LACC1: variants seen among roughly 807,000 people sequenced by gnomAD.
The protein encoded by LACC1 is laccase domain multifunctional purine nucleosidase 1.
In LACC1, 25 loss-of-function variants were observed where a neutral mutation model predicts 34.8. The ratio of observed to expected loss-of-function variants is 0.72; its 90% CI spans 0.52 to 1.00. LACC1 has a LOEUF of 1.00. Ranked by LOEUF, LACC1 falls within the 50% of genes least tolerant of loss-of-function variation. The pLI is 0.00. For synonymous variants in LACC1, 162 were observed against 168.0 expected (o/e 0.96, Z 0.28); for missense variants, 426 against 511.2 (o/e 0.83, Z 1.61).
chr13:43,882,564 G>GAGATATATAT (rs1555395025), intron 3 of LACC1, among the ~76,000 whole-genome samples: 3 of 139,142 alleles, frequency 2.2e-5, no homozygotes, highest in South Asian at 5.0e-4. Flanking sequence ...CACACGTGCA[G>GAGATATATAT]ATATATATAT....
chr13:43,889,029 T>C, intron 5 of LACC1, 47 bp downstream of exon 5: 1 of 1,461,146 alleles, frequency 6.8e-7, no homozygotes, highest in Non-Finnish European at 9.6e-7. Flanking sequence ...TTCTGATTGT[T>C]CTAAAATGAA....
At chr13:43,883,643 T>C (rs1434428800) in intron 3 of LACC1, 128 bp from the exon 4 acceptor site, 2 of 548,230 alleles carry the variant, frequency 3.6e-6, no homozygotes, top group Admixed American at 3.6e-5. Flanking sequence ...AAAAGTGATA[T>C]ATTTAATGAA....
intron 4 of LACC1, among the ~76,000 whole-genome samples, chr13:43,888,238 A>G (rs1212673423): frequency 6.6e-6 from 1 of 152,180 alleles, no homozygotes; most frequent in East Asian, 1.9e-4. Flanking sequence ...TGATATACCT[A>G]CAGTAATCAA....
chr13:43,889,994 A>G, intron 5 of LACC1, 120 bp from the exon 6 acceptor site: 1 of 770,950 alleles, frequency 1.3e-6, no homozygotes, highest in South Asian at 1.9e-5. Context: ...AACAATATAC[A>G]TTGTTCTAGG....
chr13:43,887,288 T>C (rs1179238156), intron 4 of LACC1, among the ~76,000 whole-genome samples: 1 of 152,142 alleles, frequency 6.6e-6, no homozygotes, highest in Non-Finnish European at 1.5e-5. Context: ...TTTCATCATC[T>C]CCTTTTATCT....
chr13:43,893,554 A>G lies in LACC1; in HGVS notation c.*2107A>G, dbSNP rs901844057. On this transcript the variant is annotated 3_prime_UTR_variant, in exon 7 of 7. Coordinates refer to ENST00000325686, the MANE Select transcript of LACC1 (RefSeq NM_153218.4). ...TATTTAATATCCAGTGAAAAGTGAC[A>G]GTCAGTAAACCAACAATCTCAATAC... 3 of 152,024 alleles carry G rather than the reference A, an allele frequency of 2.0e-5. No individual in the cohort carries two copies. The highest frequency in any genetic ancestry group is 4.8e-5 in the African/African-American group (2 of 41,442). 9.4% of individuals were successfully genotyped at this position (152,024 alleles called of 1,614,324 possible). A position where few individuals can be genotyped will look rare whatever the true frequency, so the allele number is the denominator to read the frequency against.
Position 43,891,469 on chromosome 13 carries a change from A to G in LACC1, c.*22A>G. 1 of 985,022 alleles carries G rather than the reference A, an allele frequency of 1.0e-6. No individual in the cohort carries two copies. The highest frequency in any genetic ancestry group is 1.2e-6 in the Non-Finnish European group (1 of 829,412). The allele number at this position is 985,022 out of a possible 1,614,324, so 61.0% of individuals were successfully genotyped here. Reference sequence around the variant, plus strand: ...TACAGATACTTGACTGGATTTTTGTATAACTGCTTCCTGCCTCCTTCCAAA... The same window carrying G: ...TACAGATACTTGACTGGATTTTTGTGTAACTGCTTCCTGCCTCCTTCCAAA... On this transcript the variant is annotated 3_prime_UTR_variant, in exon 7 of 7. Coordinates refer to ENST00000325686, the MANE Select transcript of LACC1 (RefSeq NM_153218.4).
chr13:43,893,543 T>C lies in LACC1; in HGVS notation c.*2096T>C, dbSNP rs1253067074. The C allele has an allele frequency of 1.3e-5, 2 of 151,988 alleles. No homozygotes were observed. The highest frequency in any genetic ancestry group is 2.4e-5 in the African/African-American group (1 of 41,422). 9.4% of individuals were successfully genotyped at this position (151,988 alleles called of 1,614,324 possible). Reference sequence around the variant, plus strand: ...AGCCCTCAGGATATTTAATATCCAGTGAAAAGTGACAGTCAGTAAACCAAC... The same window carrying C: ...AGCCCTCAGGATATTTAATATCCAGCGAAAAGTGACAGTCAGTAAACCAAC... On this transcript the variant is annotated 3_prime_UTR_variant, in exon 7 of 7. Coordinates refer to ENST00000325686, the MANE Select transcript of LACC1 (RefSeq NM_153218.4).
intron 4 of LACC1, among the ~76,000 whole-genome samples, chr13:43,887,346 A>G (rs1955379055): frequency 6.6e-6 from 1 of 152,124 alleles, no homozygotes. Context: ...GAAGGGTATG[A>G]GTATGGAGTG....
upstream of LACC1, chr13:43,879,733 A>AGGGG (rs1954832346): frequency 7.0e-6 from 1 of 142,054 alleles, no homozygotes; most frequent in Non-Finnish European, 1.5e-5. Flanking sequence ...GGCCGCGGCG[A>AGGGG]GGTAGGTGAG....
Position 43,891,603 on chromosome 13 carries a change from T to C in LACC1, c.*156T>C, listed in dbSNP as rs146607142. 61 of 809,168 alleles carry C rather than the reference T, an allele frequency of 7.5e-5. No homozygotes were observed. The East Asian group carries it at 6.9e-3, about 92-fold the overall frequency. The allele number at this position is 809,168 out of a possible 1,614,324, so 50.1% of individuals were successfully genotyped here. ...TTTACTATTATTCAAAGCCAAATGA[T>C]TTTCATTTAATTGTAATAATAACTG... On this transcript the variant is annotated 3_prime_UTR_variant, in exon 7 of 7. Coordinates refer to ENST00000325686, the MANE Select transcript of LACC1 (RefSeq NM_153218.4).
In LACC1 at chr13:43,881,241, G is replaced by C; in HGVS notation, c.256G>C (p.Ala86Pro). The change falls in exon 2 of 7, where the codon GCC (alanine) becomes CCC (proline). Residue 86 changes from alanine (A) to proline (P), a missense_variant. This residue lies in a region of LACC1 where 217 missense variants were observed against 210.9 expected (regional missense o/e 1.03). Transcript: ENST00000325686. ...FEIVSCPSMA[A>P]TLYTIKQKID... ...GATTGTTAGCTGTCCCAGCATGGCT[G>C]CCACTTTGTATACCATTAAACAGAA... 6.2e-7 allele frequency: 1 copy of C among 1,614,152 alleles called. No homozygotes were observed. Among genetic ancestry groups the C allele is most frequent in the Non-Finnish European group, 8.5e-7 (1 of 1,180,028 alleles).
chr13:43,880,190 G>A (rs1954927551), intron 1 of LACC1, 71 bp downstream of exon 1: 1 of 152,296 alleles, frequency 6.6e-6, no homozygotes, highest in African/African-American at 2.4e-5. Context: ...AAGGGGGGAC[G>A]GTCACCCACT....
chr13:43,887,555 G>A (rs1255873805), intron 4 of LACC1, among the ~76,000 whole-genome samples: 1 of 152,152 alleles, frequency 6.6e-6, no homozygotes, highest in Non-Finnish European at 1.5e-5. Flanking sequence ...GCAAGGGAAC[G>A]ATAGTCTGGG....
intron 4 of LACC1, among the ~76,000 whole-genome samples, chr13:43,885,767 T>A (rs1013243350): frequency 6.6e-6 from 1 of 151,906 alleles, no homozygotes; most frequent in African/African-American, 2.4e-5. Flanking sequence ...TGGGACCCAA[T>A]TAAACTAAGG....
chr13:43,883,908 C>A lies in LACC1; in HGVS notation c.879C>A (p.Val293=). 1 of 1,612,358 alleles carries A rather than the reference C, an allele frequency of 6.2e-7. No individual in the cohort carries two copies. Among genetic ancestry groups the A allele is most frequent in the South Asian group, 1.1e-5 (1 of 90,816 alleles). The change falls in exon 4 of 7, where the codon GTC becomes GTA. Residue 293 remains valine, a synonymous_variant. Coordinates refer to ENST00000325686, the MANE Select transcript of LACC1 (RefSeq NM_153218.4). ...DCIPIVFADP[V]KKACGVAHAG... ...TACCGATAGTTTTTGCAGATCCAGT[C>A]AAAAAAGCATGTGGGGTTGCTCACG...
chr13:43,880,140 G>T (rs1230790018), intron 1 of LACC1, 21 bp downstream of exon 1: 1 of 152,046 alleles, frequency 6.6e-6, no homozygotes, highest in Non-Finnish European at 1.5e-5. Context: ...CAGGGACCTG[G>T]CGGCGACACA....
intron 6 of LACC1, 26 bp from the exon 7 acceptor site, chr13:43,891,423 A>G (rs1955565138): frequency 1.0e-6 from 1 of 972,746 alleles, no homozygotes; most frequent in Non-Finnish European, 1.2e-6. Flanking sequence ...TAAGCGTCTC[A>G]TATTTGATTT....
At chr13:43,882,054 T>C in intron 2 of LACC1, 131 bp from the exon 3 acceptor site, 1 of 624,904 alleles carries the variant, frequency 1.6e-6, no homozygotes, top group Non-Finnish European at 2.7e-6. Flanking sequence ...TAAGAACATA[T>C]GGAGGTACAA....
Sources: allele counts gnomAD v4.1 joint callset (sites outside exome capture counted in the v4.1 genomes callset), GRCh38; gene constraint gnomAD v4.1.1; regional missense constraint gnomAD v4.1.1; transcripts MANE v1.5; gene names NCBI Gene and HGNC (gene_info 2026-07-23, HGNC 2026-07-21).